The following AFF2 variants were observed in gnomAD, a reference collection of about 807,000 sequenced individuals.
AFF2 encodes AF4/FMR2 family member 2.
A neutral mutation model predicts 76.9 loss-of-function variants in AFF2; 14 were observed. That is an observed-to-expected ratio of 0.18 (90% CI 0.12 to 0.28). AFF2 has a LOEUF of 0.28. Ranked by LOEUF, AFF2 falls within the 10% of genes least tolerant of loss-of-function variation. The pLI is 1.00. For synonymous variants in AFF2, 398 were observed against 366.7 expected, an observed-to-expected ratio of 1.09 and a Z score of -0.98; for missense variants, 868 against 1,001.1, an observed-to-expected ratio of 0.87 and a Z score of 1.79.
chrX:148,870,852 C>T (rs1219745808), intron 7 of AFF2, among the ~76,000 whole-genome samples: 1 of 111,871 alleles, frequency 8.9e-6, no homozygotes, highest in Admixed American at 9.5e-5. Flanking sequence ...TGGACCTAGC[C>T]TGCAGTTAGT....
intron 3 of AFF2, among the ~76,000 whole-genome samples, chrX:148,677,219 AC>A (rs2054495899): frequency 9.0e-6 from 1 of 110,871 alleles, no homozygotes; most frequent in African/African-American, 3.3e-5. Flanking sequence ...GGATGGTGAT[AC>A]CATTACCCAA....
At chrX:148,616,671 C>T (rs1482586397) in intron 1 of AFF2, among the ~76,000 whole-genome samples, 2 of 109,483 alleles carry the variant, frequency 1.8e-5, no homozygotes, top group Non-Finnish European at 3.8e-5. Context: ...TGTGCTGCAC[C>T]CATTAACTCG....
chrX:148,568,813 G>A (rs782081892), intron 1 of AFF2, among the ~76,000 whole-genome samples: 5 of 111,788 alleles, frequency 4.5e-5, no homozygotes, highest in South Asian at 7.4e-4. Flanking sequence ...AGAATGAATC[G>A]TTTTGAAATA....
chrX:148,931,988 C>G (rs886579124), intron 9 of AFF2, among the ~76,000 whole-genome samples: 1 of 112,076 alleles, frequency 8.9e-6, no homozygotes, highest in African/African-American at 3.2e-5. Flanking sequence ...ATGTAGTAGA[C>G]TCCACTGGGA....
chrX:148,968,637 G>A (rs2072210352), intron 15 of AFF2, among the ~76,000 whole-genome samples: 1 of 112,384 alleles, frequency 8.9e-6, no homozygotes, highest in African/African-American at 3.2e-5. Flanking sequence ...ACCATGACTA[G>A]TGTGTAGCCA....
At chrX:148,734,077 A>G (rs1557264902) in intron 3 of AFF2, among the ~76,000 whole-genome samples, 1 of 112,235 alleles carries the variant, frequency 8.9e-6, no homozygotes, top group Non-Finnish European at 1.9e-5. Context: ...GGGACCTTCC[A>G]GGCCACATTA....
intron 16 of AFF2, among the ~76,000 whole-genome samples, chrX:148,974,810 T>C (rs1238723344): frequency 1.8e-5 from 2 of 111,598 alleles, no homozygotes; most frequent in Non-Finnish European, 3.8e-5. Context: ...ACTTATTTTA[T>C]ATACTGTGAA....
rs782675748 is a variant in AFF2, at chrX:148,660,011, G to A, written c.181-1897G>A. ...ATCACTACTTCAGTACTAAGGTTGC[G>A]TATGATACAATATATGATTGGAGGA... On this transcript the variant is annotated intron_variant, in intron 2 of 20. Transcript: ENST00000370460. Among the ~76,000 whole-genome samples the A allele has an allele frequency of 8.9e-5, 10 of 112,167 alleles. No homozygotes were observed. In the East Asian group the frequency reaches 1.1e-3, roughly 13 times the overall value.
rs1476637032 is a variant in AFF2, at chrX:148,942,525, T to C, written c.1398-11055T>C. On this transcript the variant is annotated intron_variant, in intron 9 of 20. Transcript: ENST00000370460. The stretch of plus-strand genomic sequence containing the variant: ...GGTCAAGGCAAGTAAGAAAAGAACA[T>C]TGGATTTGCGGCCAGGCACGGTAGC... Among the ~76,000 whole-genome samples the C allele has an allele frequency of 4.5e-5, 5 of 111,164 alleles. No individual in the cohort carries two copies. The East Asian group carries it at 1.1e-3, about 25-fold the overall frequency.
intron 1 of AFF2, among the ~76,000 whole-genome samples, chrX:148,526,025 C>T (rs1250966166): frequency 1.8e-5 from 2 of 111,406 alleles, no homozygotes; most frequent in Non-Finnish European, 3.8e-5. Context: ...ACACCTGTTT[C>T]TGAGAGCAAT....
At position 148,600,637 on chromosome X, in the gene AFF2, A is replaced by G. The variant is rs1392975760; in HGVS notation, c.48-51362A>G. On this transcript the variant is annotated intron_variant, in intron 1 of 20. Transcript: ENST00000370460. ...CTTTATTAAATGTGCAGCTCACCAT[A>G]CAAAAGATATCAGGTGTAGGAAGTG... 5.4e-5 allele frequency among the ~76,000 whole-genome samples: 6 copies of G among 111,790 alleles called. No individual in the cohort carries two copies. In the Admixed American group the frequency reaches 5.7e-4, roughly 11 times the overall value.
intron 3 of AFF2, among the ~76,000 whole-genome samples, chrX:148,666,103 G>T (rs1050355443): frequency 8.9e-6 from 1 of 111,869 alleles, no homozygotes; most frequent in Non-Finnish European, 1.9e-5. Context: ...AAGTGTGTGT[G>T]CCCATGTTTG....
At chrX:148,761,988 TATAGATATAG>T (rs1557267320) in intron 3 of AFF2, among the ~76,000 whole-genome samples, 1 of 109,028 alleles carries the variant, frequency 9.2e-6, no homozygotes, top group African/African-American at 3.4e-5. Context: ...TAGATATAGA[TATAGATATAG>T]ATATAGATAT....
At chrX:148,810,335 A>T (rs1273388565) in intron 4 of AFF2, among the ~76,000 whole-genome samples, 2 of 111,956 alleles carry the variant, frequency 1.8e-5, no homozygotes, top group African/African-American at 3.2e-5. Flanking sequence ...GAGATGTGGG[A>T]ATGGGAGAGG....
At chrX:148,645,693 A>G (rs1323092385) in intron 1 of AFF2, among the ~76,000 whole-genome samples, 1 of 112,143 alleles carries the variant, frequency 8.9e-6, no homozygotes, top group Non-Finnish European at 1.9e-5. Context: ...TAAGCCACAC[A>G]CTTTTTTTCA....
At chrX:148,832,748 C>T (rs1569556014) in intron 4 of AFF2, among the ~76,000 whole-genome samples, 1 of 111,939 alleles carries the variant, frequency 8.9e-6, no homozygotes, top group Non-Finnish European at 1.9e-5. Flanking sequence ...CCATCCAAGT[C>T]AAAGCCCACA....
chrX:148,829,697 A>G (rs1391518761), intron 4 of AFF2, among the ~76,000 whole-genome samples: 1 of 112,383 alleles, frequency 8.9e-6, no homozygotes, highest in East Asian at 2.8e-4. Context: ...AGCAGTACAG[A>G]TGATTCACAA....
At chrX:148,514,334 C>T (rs1279175838) in intron 1 of AFF2, among the ~76,000 whole-genome samples, 2 of 112,381 alleles carry the variant, frequency 1.8e-5, no homozygotes, top group Non-Finnish European at 3.8e-5. Flanking sequence ...TCCCACATGC[C>T]GTGAAAGTTT....
intron 1 of AFF2, among the ~76,000 whole-genome samples, chrX:148,649,129 C>G (rs2054177237): frequency 8.9e-6 from 1 of 111,927 alleles, no homozygotes; most frequent in Admixed American, 9.5e-5. Context: ...AGGGGACAGA[C>G]ATATACTTTC....
Sources: allele counts gnomAD v4.1 joint callset (sites outside exome capture counted in the v4.1 genomes callset), GRCh38; gene constraint gnomAD v4.1.1; transcripts MANE v1.5; gene names NCBI Gene and HGNC (gene_info 2026-07-23, HGNC 2026-07-21).